Variants in FGF13 observed in about 807,000 individuals in gnomAD.
FGF13 encodes fibroblast growth factor homologous factor 2.
Under a neutral mutation model 19.5 loss-of-function variants are expected in FGF13, and 2 were observed. That is an observed-to-expected ratio of 0.10 (90% CI 0.04 to 0.32). The LOEUF is 0.32. Among genes scored for constraint, FGF13 ranks in the 10% least tolerant of loss-of-function variants. The pLI, the probability that FGF13 is intolerant of heterozygous loss-of-function variation, is 1.00. For synonymous variants in FGF13, 72 were observed against 76.9 expected (o/e 0.94, Z 0.33); for missense variants, 113 against 192.7 (o/e 0.59, Z 2.45).
chrX:138,854,395 G>A (rs992926429), downstream of FGF13, among the ~76,000 whole-genome samples: 4 of 111,332 alleles, frequency 3.6e-5, no homozygotes, highest in African/African-American at 9.8e-5. Context: ...GTCCCTTTGT[G>A]TATTATTTTA....
At chrX:138,915,088 G>A (rs2091611514) in intron 1 of FGF13, among the ~76,000 whole-genome samples, 1 of 109,703 alleles carries the variant, frequency 9.1e-6, no homozygotes, top group African/African-American at 3.5e-5. Flanking sequence ...GTTAGTGAAT[G>A]GCTACTCCAG....
chrX:138,641,655 C>T (rs1024591120), intron 3 of FGF13, among the ~76,000 whole-genome samples: 2 of 111,837 alleles, frequency 1.8e-5, no homozygotes, highest in African/African-American at 6.5e-5. Flanking sequence ...TCCCCTCCAC[C>T]AGTGATTTCA....
intron 1 of FGF13, among the ~76,000 whole-genome samples, chrX:139,023,213 T>C (rs1290939164): frequency 9.0e-6 from 1 of 111,096 alleles, no homozygotes; most frequent in Non-Finnish European, 1.9e-5. Flanking sequence ...AACTCTTCCA[T>C]AGTAGTGTGA....
intron 3 of FGF13, among the ~76,000 whole-genome samples, chrX:138,782,797 C>G (rs1212754688): frequency 4.0e-5 from 4 of 100,453 alleles, no homozygotes; most frequent in African/African-American, 1.1e-4. Context: ...TTTCTTCACA[C>G]AATTGGAAAA....
chrX:139,144,583 T>C (rs2083872449), intron 1 of FGF13, among the ~76,000 whole-genome samples: 1 of 111,488 alleles, frequency 9.0e-6, no homozygotes, highest in African/African-American at 3.3e-5. Context: ...ATCCTTATAC[T>C]GCCAAAGTCC....
chrX:138,884,743 G>C (rs1326846822), intron 1 of FGF13, among the ~76,000 whole-genome samples: 4 of 111,719 alleles, frequency 3.6e-5, no homozygotes, highest in African/African-American at 9.8e-5. Flanking sequence ...AATTGCAAGA[G>C]GACAGGAAGG....
chrX:139,003,117 A>G (rs964273246), intron 1 of FGF13, among the ~76,000 whole-genome samples: 7 of 111,717 alleles, frequency 6.3e-5, no homozygotes, highest in Middle Eastern at 4.3e-3. Flanking sequence ...TGAGTGTTAC[A>G]GCTCTTAAGA....
upstream of FGF13, among the ~76,000 whole-genome samples, chrX:138,714,428 C>CT (rs1301065925): frequency 8.9e-6 from 1 of 112,217 alleles, no homozygotes; most frequent in Non-Finnish European, 1.9e-5. Context: ...AGCAGATCAC[C>CT]TGAGGTCAGG....
At chrX:139,174,413 C>G (rs746858803) in intron 1 of FGF13, among the ~76,000 whole-genome samples, 6 of 112,130 alleles carry the variant, frequency 5.4e-5, no homozygotes, top group Non-Finnish European at 3.8e-5. Flanking sequence ...TGAATTAGAT[C>G]CCATTTGTCA....
intron 1 of FGF13, among the ~76,000 whole-genome samples, chrX:139,151,322 C>T (rs1051370607): frequency 9.0e-6 from 1 of 111,683 alleles, no homozygotes; most frequent in African/African-American, 3.2e-5. Context: ...ACTTTCTCTC[C>T]ATTGATCGCC....
intron 1 of FGF13, among the ~76,000 whole-genome samples, chrX:139,161,761 GACAA>G (rs985801264): frequency 9.0e-6 from 1 of 111,368 alleles, no homozygotes; most frequent in Admixed American, 9.6e-5. Flanking sequence ...ACCAATAATA[GACAA>G]ACAGAGAGCC....
intron 3 of FGF13, among the ~76,000 whole-genome samples, chrX:138,666,316 G>A (rs747070329): frequency 1.8e-5 from 2 of 111,405 alleles, no homozygotes; most frequent in South Asian, 7.4e-4. Flanking sequence ...AAAAAAATGT[G>A]TTTTTATTGT....
chrX:138,906,915 T>C (rs1236337734), intron 1 of FGF13, among the ~76,000 whole-genome samples: 1 of 111,761 alleles, frequency 8.9e-6, no homozygotes, highest in Non-Finnish European at 1.9e-5. Context: ...AAATCTTGAA[T>C]GTTAAAATTT....
chrX:138,731,427 A>G (rs1269770818), intron 1 of FGF13, among the ~76,000 whole-genome samples: 1 of 108,853 alleles, frequency 9.2e-6, no homozygotes, highest in African/African-American at 3.3e-5. Context: ...CAAACATTAT[A>G]TATCTAAATA....
intron 2 of FGF13, among the ~76,000 whole-genome samples, chrX:138,704,994 T>C (rs1212577995): frequency 8.9e-6 from 1 of 112,065 alleles, no homozygotes; most frequent in African/African-American, 3.2e-5. Context: ...GAAAATATGA[T>C]ACTATGTTTT....
chrX:138,743,415 AT>A (rs1203088885), upstream of FGF13, among the ~76,000 whole-genome samples: 4 of 111,169 alleles, frequency 3.6e-5, no homozygotes, highest in African/African-American at 1.3e-4. Context: ...AGCACAGAGG[AT>A]TTTTTCAGCA....
intron 1 of FGF13, among the ~76,000 whole-genome samples, chrX:138,981,556 T>C (rs1206781431): frequency 9.0e-6 from 1 of 110,974 alleles, no homozygotes; most frequent in East Asian, 2.9e-4. Context: ...ATTCTGTACA[T>C]CATCATTCAC....
chrX:138,724,272 A>G (rs1468985927), intron 1 of FGF13, among the ~76,000 whole-genome samples: 1 of 112,055 alleles, frequency 8.9e-6, no homozygotes, highest in Non-Finnish European at 1.9e-5. Flanking sequence ...GTCACTGGCA[A>G]TGTTCATAGA....
At chrX:138,879,059 A>G (rs1399886422) in intron 1 of FGF13, among the ~76,000 whole-genome samples, 2 of 111,305 alleles carry the variant, frequency 1.8e-5, no homozygotes, top group East Asian at 5.6e-4. Flanking sequence ...TCTTTGTCAC[A>G]TGAGTAGGTT....
Sources: allele counts gnomAD v4.1 joint callset (sites outside exome capture counted in the v4.1 genomes callset), GRCh38; gene constraint gnomAD v4.1.1; transcripts MANE v1.5; gene names NCBI Gene and HGNC (gene_info 2026-07-23, HGNC 2026-07-21).